SULT1B1: variants seen among roughly 807,000 people sequenced by gnomAD.
The protein encoded by SULT1B1 is sulfotransferase 1B1.
SULT1B1 carries 28 observed loss-of-function variants against 34.6 expected under a neutral mutation model. The ratio of observed to expected loss-of-function variants is 0.81; its 90% CI spans 0.60 to 1.11. SULT1B1 has a LOEUF of 1.11. SULT1B1 is among the 50% of genes least tolerant of loss of function. The pLI, the probability that SULT1B1 is intolerant of heterozygous loss-of-function variation, is 0.00. For synonymous variants in SULT1B1, 147 were observed against 110.2 expected (o/e 1.33, Z -2.09); for missense variants, 374 against 352.2 (o/e 1.06, Z -0.50).
intron 6 of SULT1B1, among the ~76,000 whole-genome samples, chr4:69,732,056 C>G (rs1560520825): frequency 6.6e-6 from 1 of 152,194 alleles, no homozygotes. Context: ...ATAATTTTCT[C>G]TCTTATGAGG....
chr4:69,758,882 C>G (rs1007711188), intron 1 of SULT1B1, among the ~76,000 whole-genome samples: 13 of 152,142 alleles, frequency 8.5e-5, no homozygotes, highest in African/African-American at 3.1e-4. Context: ...ATTCAAATTA[C>G]AGTCCATGTA....
chr4:69,733,293 G>T, intron 6 of SULT1B1, 120 bp downstream of exon 6: 1 of 585,662 alleles, frequency 1.7e-6, no homozygotes, highest in Non-Finnish European at 2.9e-6. Context: ...AAAACACATG[G>T]TGGATAGGCA....
chr4:69,730,808 G>A lies in SULT1B1; in HGVS notation c.598-127C>T, dbSNP rs1418242759. On this transcript the variant is annotated intron_variant, in intron 6 of 7. Coordinates refer to ENST00000310613, the MANE Select transcript of SULT1B1 (RefSeq NM_014465.4). ...GTATAGGAAATCCATATTTGTTTGG[G>A]TTTTTCTCAATTTTTAAATAAACTA... 19 of 803,558 alleles carry A rather than the reference G, an allele frequency of 2.4e-5. No individual in the cohort carries two copies. In the East Asian group the frequency reaches 5.2e-4, roughly 22 times the overall value. 49.8% of individuals were successfully genotyped at this position (803,558 alleles called of 1,614,324 possible).
At chr4:69,752,511 A>G (rs896649364) in intron 3 of SULT1B1, among the ~76,000 whole-genome samples, 6 of 152,052 alleles carry the variant, frequency 3.9e-5, no homozygotes, top group African/African-American at 1.4e-4. Flanking sequence ...TGAATATTAA[A>G]CTCCTTTTGT....
At chr4:69,746,120 G>A (rs756594911) in intron 4 of SULT1B1, among the ~76,000 whole-genome samples, 18 of 152,052 alleles carry the variant, frequency 1.2e-4, no homozygotes, top group African/African-American at 7.2e-5. Flanking sequence ...TGCCCCTTTC[G>A]CTAGCTGTCT....
intron 4 of SULT1B1, among the ~76,000 whole-genome samples, chr4:69,740,620 A>T (rs964368263): frequency 6.6e-6 from 1 of 152,230 alleles, no homozygotes; most frequent in Non-Finnish European, 1.5e-5. Flanking sequence ...GACTAGTGCT[A>T]TGATGAACAT....
In SULT1B1 at chr4:69,721,318, G is replaced by A. The variant is rs1409215010; in HGVS notation, c.*5770C>T. 2 of 152,024 alleles carry A rather than the reference G, an allele frequency of 1.3e-5. No homozygotes were observed. The highest frequency in any genetic ancestry group is 4.8e-5 in the African/African-American group (2 of 41,432). 9.4% of individuals were successfully genotyped at this position (152,024 alleles called of 1,614,324 possible). A position where few individuals can be genotyped will look rare whatever the true frequency, so the allele number is the denominator to read the frequency against. On this transcript the variant is annotated 3_prime_UTR_variant, in exon 8 of 8. Coordinates refer to ENST00000310613, the MANE Select transcript of SULT1B1 (RefSeq NM_014465.4). ...ACATAAGAAGACATTTGTGAAGACA[G>A]CTTACATAATAAAAACAATTTATAC...
chr4:69,758,113 C>G (rs1197602411), intron 1 of SULT1B1, among the ~76,000 whole-genome samples: 1 of 152,132 alleles, frequency 6.6e-6, no homozygotes, highest in Non-Finnish European at 1.5e-5. Context: ...AAAAGATTCT[C>G]CAGCATGAAA....
intron 1 of SULT1B1, 94 bp from the exon 2 acceptor site, chr4:69,755,355 C>T (rs1010600099): frequency 1.1e-6 from 1 of 908,254 alleles, no homozygotes; most frequent in Non-Finnish European, 1.7e-6. Context: ...TGGCCTTTAA[C>T]ATTCTGCGCA....
Position 69,731,201 on chromosome 4 carries a change from A to G in SULT1B1, c.598-520T>C, listed in dbSNP as rs913670155. On this transcript the variant is annotated intron_variant, in intron 6 of 7. Coordinates refer to ENST00000310613, the MANE Select transcript of SULT1B1 (RefSeq NM_014465.4). ...GGAAGATGTGAGTGGTGGAAGAGCA[A>G]GCACTACTGCCTGAGCTCTGCCTCC... Among the ~76,000 whole-genome samples, 7 of 152,346 alleles carry G rather than the reference A, an allele frequency of 4.6e-5. No homozygotes were observed. The South Asian group carries it at 1.4e-3, about 32-fold the overall frequency.
intron 5 of SULT1B1, 67 bp downstream of exon 5, chr4:69,734,069 TAA>T: frequency 1.6e-6 from 2 of 1,255,896 alleles, no homozygotes; most frequent in Non-Finnish European, 2.1e-6. Context: ...TTGAAAGTCA[TAA>T]AAGTTATTGT....
chr4:69,737,479 A>G (rs1718363244), intron 4 of SULT1B1, among the ~76,000 whole-genome samples: 1 of 152,326 alleles, frequency 6.6e-6, no homozygotes, highest in South Asian at 2.1e-4. Context: ...TTCTTAAGTC[A>G]TATTTTACAA....
intron 4 of SULT1B1, 76 bp from the exon 5 acceptor site, chr4:69,734,340 C>T: frequency 6.7e-7 from 1 of 1,484,972 alleles, no homozygotes; most frequent in Non-Finnish European, 9.0e-7. Context: ...AACCTATACG[C>T]ATGTAAAAAA....
chr4:69,747,644 C>A (rs1560528400), intron 4 of SULT1B1, among the ~76,000 whole-genome samples: 1 of 152,226 alleles, frequency 6.6e-6, no homozygotes, highest in East Asian at 1.9e-4. Context: ...CTGCACCAAA[C>A]CCTCTGGACT....
intron 4 of SULT1B1, among the ~76,000 whole-genome samples, chr4:69,748,755 A>G (rs1202647843): frequency 1.3e-5 from 2 of 152,202 alleles, no homozygotes; most frequent in Non-Finnish European, 2.9e-5. Flanking sequence ...ACACTTCAAA[A>G]TCTTGCAGTA....
intron 4 of SULT1B1, among the ~76,000 whole-genome samples, chr4:69,743,236 A>C (rs957812678): frequency 4.6e-5 from 7 of 152,194 alleles, no homozygotes; most frequent in Non-Finnish European, 8.8e-5. Context: ...ATAGAGGGTG[A>C]GCAAGATGAA....
chr4:69,743,530 T>A (rs988478736), intron 4 of SULT1B1, among the ~76,000 whole-genome samples: 4 of 152,070 alleles, frequency 2.6e-5, no homozygotes, highest in African/African-American at 9.7e-5. Flanking sequence ...AGCTTGAAGG[T>A]GGGGCTTCAC....
intron 4 of SULT1B1, among the ~76,000 whole-genome samples, chr4:69,744,278 GTT>G (rs1349722519): frequency 6.6e-6 from 1 of 152,198 alleles, no homozygotes; most frequent in Non-Finnish European, 1.5e-5. Flanking sequence ...TCCTCTCTGT[GTT>G]TCCCCTCAGC....
Position 69,733,431 on chromosome 4 carries a change from G to A in SULT1B1, c.579C>T (p.Tyr193=), listed in dbSNP as rs1398739118. The change falls in exon 6 of 8, where the codon TAC becomes TAT. Residue 193 remains tyrosine, a synonymous_variant. Coordinates refer to ENST00000310613, the MANE Select transcript of SULT1B1 (RefSeq NM_014465.4). The part of the protein sequence containing the change: ...KKEEHPILFL[Y]YEDMKENPKE... Reference sequence around the variant, plus strand: ...ATTTTACCTCTTTCATATCTTCATAGTACAAAAAAAGTATTGGGTGTTCTT... The same window carrying A: ...ATTTTACCTCTTTCATATCTTCATAATACAAAAAAAGTATTGGGTGTTCTT... 4 of 1,605,774 alleles carry A rather than the reference G, an allele frequency of 2.5e-6. No individual in the cohort carries two copies. Among genetic ancestry groups the A allele is most frequent in the Admixed American group, 1.7e-5 (1 of 58,608 alleles).
Sources: allele counts gnomAD v4.1 joint callset (sites outside exome capture counted in the v4.1 genomes callset), GRCh38; gene constraint gnomAD v4.1.1; transcripts MANE v1.5; gene names NCBI Gene and HGNC (gene_info 2026-07-23, HGNC 2026-07-21).